MXRA8: variants seen among roughly 807,000 people sequenced by gnomAD.
MXRA8 encodes the protein matrix remodeling associated 8.
In MXRA8, 44 loss-of-function variants were observed where a neutral mutation model predicts 51.4. The ratio of observed to expected loss-of-function variants is 0.86; its 90% CI spans 0.67 to 1.10. The LOEUF (loss-of-function observed/expected upper bound fraction) is 1.10, where lower values mean the gene tolerates loss of function less well. Among genes scored for constraint, MXRA8 ranks in the 50% least tolerant of loss-of-function variants. The pLI is 0.00. For missense variants in MXRA8, 765 were observed against 638.9 expected (o/e 1.20, Z -2.13); for synonymous variants, 369 against 293.5 (o/e 1.26, Z -2.63).
intron 8 of MXRA8, 29 bp from the exon 9 acceptor site, chr1:1,353,957 C>T (rs750717116): frequency 2.2e-5 from 36 of 1,603,372 alleles, no homozygotes; most frequent in African/African-American, 2.7e-5. Flanking sequence ...CTGAGGTCCC[C>T]GCTCCCAGGA....
intron 5 of MXRA8, 72 bp from the exon 6 acceptor site, chr1:1,354,581 C>T: frequency 6.4e-7 from 1 of 1,563,330 alleles, no homozygotes; most frequent in South Asian, 1.2e-5. Flanking sequence ...GCCACGGCCC[C>T]CGCTGGGATC....
Position 1,354,094 on chromosome 1 carries a change from G to A in MXRA8, c.1158C>T (p.Asn386=). ...CTGCAGCCACAGCGAACTCCGCCAA[G>A]TTAACATCCTTCCTGGATGGCGAGG... The part of the protein sequence containing the change: ...KSGKSKGKDV[N]LAEFAVAAGD... The change falls in exon 8 of 10, where the codon AAC becomes AAT. Residue 386 remains asparagine, a synonymous_variant. Coordinates refer to ENST00000309212, the MANE Select transcript of MXRA8 (RefSeq NM_032348.4). The A allele has an allele frequency of 6.2e-7, 1 of 1,612,938 alleles. No homozygotes were observed. The highest frequency in any genetic ancestry group is 8.5e-7 in the Non-Finnish European group (1 of 1,179,972).
Position 1,355,730 on chromosome 1 carries a change from A to C in MXRA8, c.96T>G (p.Ala32=). ...LHSGSSVPAA[A]GSSVVSESAV... ...CGGACTCGGACACCACGGAGCTGCCAGCAGCGGCGGGTACCGAGGACCCTG... is the reference window on the plus strand; with the variant it reads ...CGGACTCGGACACCACGGAGCTGCCCGCAGCGGCGGGTACCGAGGACCCTG... Residue 32 remains alanine, a synonymous_variant, in exon 3 of 10, where the codon GCT becomes GCG. Coordinates refer to ENST00000309212, the MANE Select transcript of MXRA8 (RefSeq NM_032348.4). 8.9e-7 allele frequency: 1 copy of C among 1,118,504 alleles called. No individual in the cohort carries two copies. The highest frequency in any genetic ancestry group is 2.3e-5 in the South Asian group (1 of 43,836). 69.3% of individuals were successfully genotyped at this position (1,118,504 alleles called of 1,614,324 possible).
chr1:1,353,009 G>A lies in MXRA8; in HGVS notation c.*595C>T, dbSNP rs1644033490. 3.7e-6 allele frequency: 2 copies of A among 542,914 alleles called. No homozygotes were observed. 33.6% of individuals were successfully genotyped at this position (542,914 alleles called of 1,614,324 possible). A position where few individuals can be genotyped will look rare whatever the true frequency, so the allele number is the denominator to read the frequency against. ...GCCCAAAGCAACACAGAGGAGCAAGGGCTGGCATTCAAGTCAGCAGGTCCC... is the reference window on the plus strand; with the variant it reads ...GCCCAAAGCAACACAGAGGAGCAAGAGCTGGCATTCAAGTCAGCAGGTCCC... On this transcript the variant is annotated 3_prime_UTR_variant, in exon 10 of 10. Transcript: ENST00000309212.
In MXRA8 at chr1:1,353,097, C is replaced by G; in HGVS notation, c.*507G>C. The stretch of plus-strand genomic sequence containing the variant: ...GTACAGGTGGGGGAGCTCTCGGTGG[C>G]AGGCAGCACCCCAGGAGGAGTGGGA... On this transcript the variant is annotated 3_prime_UTR_variant, in exon 10 of 10. Coordinates refer to ENST00000309212, the MANE Select transcript of MXRA8 (RefSeq NM_032348.4). The G allele has an allele frequency of 1.5e-6, 1 of 649,848 alleles. No homozygotes were observed. Among genetic ancestry groups the G allele is most frequent in the East Asian group, 2.8e-5 (1 of 35,466 alleles). The allele number at this position is 649,848 out of a possible 1,614,324, so 40.3% of individuals were successfully genotyped here. A position where few individuals can be genotyped will look rare whatever the true frequency, so the allele number is the denominator to read the frequency against.
At chr1:1,359,656 C>A (rs964023672), upstream of MXRA8, 1 of 835,564 alleles carries the variant, frequency 1.2e-6, no homozygotes, top group South Asian at 5.4e-5. Flanking sequence ...GGGAGGGGAA[C>A]CTGCGGCTGC....
Position 1,355,693 on chromosome 1 carries a change from C to G in MXRA8, c.133G>C (p.Glu45Gln), listed in dbSNP as rs1352382189. The change falls in exon 3 of 10, where the codon GAG (glutamate) becomes CAG (glutamine). Residue 45 changes from glutamate to glutamine, a missense_variant. By Grantham distance (29) the Glu-to-Gln change is conservative (BLOSUM62 2). Transcript: ENST00000309212. ...CGCAGCACCGCCCGGGCGCCCGCCT[C>G]CCAGCTCACCGCGGACTCGGACACC... The part of the protein sequence containing the change: ...SVVSESAVSW[E>Q]AGARAVLRCQ... 42 of 1,344,506 alleles carry G rather than the reference C, an allele frequency of 3.1e-5. No homozygotes were observed. Among genetic ancestry groups the G allele is most frequent in the Non-Finnish European group, 3.9e-5 (41 of 1,054,168 alleles). 83.3% of individuals were successfully genotyped at this position (1,344,506 alleles called of 1,614,324 possible).
chr1:1,358,593 C>A (rs566418384), upstream of MXRA8: 1,139 of 1,518,070 alleles, frequency 7.5e-4, 7 homozygotes, highest in African/African-American at 0.012. Flanking sequence ...CCTTAGCACC[C>A]GCGGTGACAT....
chr1:1,355,681 G>C lies in MXRA8; in HGVS notation c.145C>G (p.Arg49Gly). ...ESAVSWEAGA[R>G]AVLRCQSPRM... ...GGGCTCTGGCAGCGCAGCACCGCCC[G>C]GGCGCCCGCCTCCCAGCTCACCGCG... Residue 49 changes from arginine to glycine, a missense_variant, in exon 3 of 10, where the codon CGG (arginine) becomes GGG (glycine). Physicochemically the swap from Arg to Gly is moderately radical, Grantham distance 125. Coordinates refer to ENST00000309212, the MANE Select transcript of MXRA8 (RefSeq NM_032348.4). The C allele has an allele frequency of 7.4e-7, 1 of 1,356,968 alleles. No individual in the cohort carries two copies. The allele number at this position is 1,356,968 out of a possible 1,614,324, so 84.1% of individuals were successfully genotyped here. A position where few individuals can be genotyped will look rare whatever the true frequency, so the allele number is the denominator to read the frequency against.
At position 1,353,377 on chromosome 1, in the gene MXRA8, G is replaced by A; in HGVS notation, c.*227C>T. ...CAGTGGGATTTTGGTTGTGCCAGGG[G>A]TGGGCAGGGCCACCCGTGAGCAAAG... On this transcript the variant is annotated 3_prime_UTR_variant, in exon 10 of 10. Coordinates refer to ENST00000309212, the MANE Select transcript of MXRA8 (RefSeq NM_032348.4). 1 of 1,545,402 alleles carries A rather than the reference G, an allele frequency of 6.5e-7. No individual in the cohort carries two copies. The highest frequency in any genetic ancestry group is 8.7e-7 in the Non-Finnish European group (1 of 1,144,046).
rs373229536 is a variant in MXRA8 at position 1,354,735 on chromosome 1, G to A, written c.896C>T (p.Pro299Leu). 8.1e-6 allele frequency: 13 copies of A among 1,608,650 alleles called. No individual in the cohort carries two copies. The highest frequency in any genetic ancestry group is 1.7e-5 in the Admixed American group (1 of 59,744). The change falls in exon 5 of 10, where the codon CCC becomes CTC. Residue 299 changes from proline to leucine, a missense_variant. Physicochemically the swap from Pro to Leu is moderately conservative, Grantham distance 98 (BLOSUM62 -3). Transcript: ENST00000309212. ...LTVAEPHAEP[P>L]PRGSPGNGSS... ...GCCGTTGCCCGGAGAGCCCCGGGGG[G>A]GCGGCTCCGCGTGGGGTTCGGCGAC...
At chr1:1,359,771 C>G (rs1006489330), upstream of MXRA8, among the ~76,000 whole-genome samples, 11 of 152,240 alleles carry the variant, frequency 7.2e-5, no homozygotes, top group Non-Finnish European at 1.2e-4. Context: ...CTGGCCCGGG[C>G]GGCGACCTTT....
In MXRA8 at chr1:1,354,347, G is replaced by C. The variant is rs748222742; in HGVS notation, c.1105+7C>G. On this transcript the variant is annotated splice_region_variant and intron_variant, in intron 6 of 9. Transcript: ENST00000309212. ...TGGGGCCGCTGGCTTTGCCGGGGCA[G>C]CCTCACCTCCGCGGCGCCTGCGGGC... 1 of 1,608,618 alleles carries C rather than the reference G, an allele frequency of 6.2e-7. No homozygotes were observed. The highest frequency in any genetic ancestry group is 1.7e-5 in the Admixed American group (1 of 59,292).
At chr1:1,359,526 C>T (rs1280624682), upstream of MXRA8, 1 of 985,432 alleles carries the variant, frequency 1.0e-6, no homozygotes, top group Non-Finnish European at 1.2e-6. Flanking sequence ...AGTGAGCTCT[C>T]CTTACAGGCC....
In MXRA8 at chr1:1,355,074, C is replaced by G; in HGVS notation, c.557G>C (p.Cys186Ser). ...VARGAPALLT[C>S]VNRGHVWTDR... ...GGTCCACACGTGCCCGCGGTTCACG[C>G]AGGTCAGAAGCGCGGGTGCGCCGCG... Residue 186 changes from cysteine (C) to serine (S), a missense_variant, in exon 5 of 10, where the codon TGC becomes TCC. Cys to Ser is a moderately radical substitution (Grantham distance 112). Coordinates refer to ENST00000309212, the MANE Select transcript of MXRA8 (RefSeq NM_032348.4). 6.3e-7 allele frequency: 1 copy of G among 1,599,530 alleles called. No individual in the cohort carries two copies. Among genetic ancestry groups the G allele is most frequent in the Non-Finnish European group, 8.5e-7 (1 of 1,175,634 alleles).
chr1:1,352,865 T>G lies in MXRA8; in HGVS notation c.*739A>C. Reference sequence around the variant, plus strand: ...GCCCTAGACTCCAGCCCAGGCAGAGTCCAAGGGAGGGGTGTCAGGGTCAGA... The same window carrying G: ...GCCCTAGACTCCAGCCCAGGCAGAGGCCAAGGGAGGGGTGTCAGGGTCAGA... On this transcript the variant is annotated 3_prime_UTR_variant, in exon 10 of 10. Coordinates refer to ENST00000309212, the MANE Select transcript of MXRA8 (RefSeq NM_032348.4). 7.4e-6 allele frequency: 2 copies of G among 270,476 alleles called. No homozygotes were observed. The highest frequency in any genetic ancestry group is 1.4e-5 in the Non-Finnish European group (2 of 140,280). 16.8% of individuals were successfully genotyped at this position (270,476 alleles called of 1,614,324 possible). A position where few individuals can be genotyped will look rare whatever the true frequency, so the allele number is the denominator to read the frequency against.
At chr1:1,354,645 C>T in intron 5 of MXRA8, 37 bp downstream of exon 5, 2 of 1,539,298 alleles carry the variant, frequency 1.3e-6, no homozygotes, top group East Asian at 2.4e-5. Context: ...GTGGGGTGGG[C>T]TCCCGCCTTC....
At position 1,355,020 on chromosome 1, in the gene MXRA8, A is replaced by G. The variant is rs1490153989; in HGVS notation, c.611T>C (p.Val204Ala). ...TDRHVEEAQQ[V>A]VHWDRQPPGV... Reference sequence around the variant, plus strand: ...GGGCGGCTGCCGGTCCCAGTGCACCACCTGTTGAGCCTCCTCCACGTGCCG... The same window carrying G: ...GGGCGGCTGCCGGTCCCAGTGCACCGCCTGTTGAGCCTCCTCCACGTGCCG... The change falls in exon 5 of 10, where the codon GTG becomes GCG. Residue 204 changes from valine to alanine, a missense_variant. By Grantham distance (64) the Val-to-Ala change is moderately conservative (BLOSUM62 0). Coordinates refer to ENST00000309212, the MANE Select transcript of MXRA8 (RefSeq NM_032348.4). 1 of 1,607,114 alleles carries G rather than the reference A, an allele frequency of 6.2e-7. No homozygotes were observed. The highest frequency in any genetic ancestry group is 8.5e-7 in the Non-Finnish European group (1 of 1,177,936).
chr1:1,355,415 C>T, intron 3 of MXRA8, 35 bp downstream of exon 3: 3 of 1,491,952 alleles, frequency 2.0e-6, no homozygotes, highest in Non-Finnish European at 2.7e-6. Context: ...GGACCCCTGC[C>T]CCGACCCCGC....
Sources: allele counts gnomAD v4.1 joint callset (sites outside exome capture counted in the v4.1 genomes callset), GRCh38; gene constraint gnomAD v4.1.1; transcripts MANE v1.5; gene names NCBI Gene and HGNC (gene_info 2026-07-23, HGNC 2026-07-21).